DPP10: variants seen among roughly 807,000 people sequenced by gnomAD.
The protein encoded by DPP10 is dipeptidyl peptidase like 10.
In DPP10, 33 loss-of-function variants were observed where a neutral mutation model predicts 120.9. The observed-to-expected ratio is 0.27, with a 90% confidence interval of 0.21 to 0.37. The LOEUF (loss-of-function observed/expected upper bound fraction) is 0.37. Ranked by LOEUF, DPP10 falls within the 10% of genes least tolerant of loss-of-function variation. The probability of loss-of-function intolerance (pLI) is 1.00; values close to 1 mark genes in which losing one functional copy is unlikely to be tolerated. For synonymous variants in DPP10, 337 were observed against 326.1 expected, an observed-to-expected ratio of 1.03 and a Z score of -0.36; for missense variants, 816 against 942.8, an observed-to-expected ratio of 0.87 and a Z score of 1.76.
At chr2:114,514,935 A>G (rs1403286826) in intron 1 of DPP10, among the ~76,000 whole-genome samples, 1 of 152,154 alleles carries the variant, frequency 6.6e-6, no homozygotes, top group Non-Finnish European at 1.5e-5. Context: ...TACTCAGAGC[A>G]TTCACTTGTT....
chr2:115,695,988 A>G (rs1040785174), intron 7 of DPP10, among the ~76,000 whole-genome samples: 2 of 152,300 alleles, frequency 1.3e-5, no homozygotes, highest in Non-Finnish European at 2.9e-5. Context: ...TAGAGAGTCA[A>G]GATATACTTG....
intron 3 of DPP10, among the ~76,000 whole-genome samples, chr2:115,393,737 T>C (rs1980189): frequency 0.47 from 71,189 of 152,004 alleles, 17,602 homozygotes; most frequent in Non-Finnish European, 0.56. Context: ...CAGAACTCAT[T>C]AAAGAGGTAG....
chr2:114,629,664 T>C (rs1694774019), intron 1 of DPP10, among the ~76,000 whole-genome samples: 1 of 152,180 alleles, frequency 6.6e-6, no homozygotes, highest in African/African-American at 2.4e-5. Context: ...GGTTTCTACA[T>C]TGCAGAGGTG....
chr2:115,790,574 T>C (rs1683860204), intron 17 of DPP10, among the ~76,000 whole-genome samples: 1 of 152,200 alleles, frequency 6.6e-6, no homozygotes, highest in Non-Finnish European at 1.5e-5. Context: ...TGCCTAATAT[T>C]TTATTAATAT....
At chr2:114,712,528 T>C (rs1183430143) in intron 1 of DPP10, among the ~76,000 whole-genome samples, 1 of 152,320 alleles carries the variant, frequency 6.6e-6, no homozygotes, top group East Asian at 1.9e-4. Flanking sequence ...TGGTCCTTCC[T>C]CTTTCTTATG....
chr2:115,040,195 CAT>C, intron 1 of DPP10, among the ~76,000 whole-genome samples: 1 of 152,116 alleles, frequency 6.6e-6, no homozygotes, highest in East Asian at 2.0e-4. Flanking sequence ...TACAATTTGA[CAT>C]GAGATTTGGG....
chr2:115,673,232 C>T (rs1458733309), intron 5 of DPP10, among the ~76,000 whole-genome samples: 2 of 152,116 alleles, frequency 1.3e-5, no homozygotes, highest in Non-Finnish European at 1.5e-5. Context: ...ATTTCCAATG[C>T]AGCCAAATGC....
intron 1 of DPP10, among the ~76,000 whole-genome samples, chr2:115,202,468 T>G (rs2055808680): frequency 1.3e-5 from 2 of 152,328 alleles, no homozygotes; most frequent in Admixed American, 1.3e-4. Flanking sequence ...TTGAGAATTT[T>G]CTCTTTTAAT....
chr2:114,801,887 A>G (rs1347978792), intron 1 of DPP10, among the ~76,000 whole-genome samples: 1 of 152,188 alleles, frequency 6.6e-6, no homozygotes, highest in Non-Finnish European at 1.5e-5. Context: ...CAAAGACTGA[A>G]ATATTAATAA....
intron 1 of DPP10, among the ~76,000 whole-genome samples, chr2:114,502,400 T>A (rs1415710099): frequency 6.6e-6 from 1 of 152,216 alleles, no homozygotes; most frequent in East Asian, 1.9e-4. Context: ...ACAAGACTAG[T>A]TCATGAACAT....
chr2:115,342,406 G>T (rs1277147932), intron 2 of DPP10, among the ~76,000 whole-genome samples: 24 of 152,086 alleles, frequency 1.6e-4, no homozygotes, highest in Admixed American at 1.6e-3. Flanking sequence ...TTGACACGGA[G>T]TTTCACCATG....
intron 1 of DPP10, among the ~76,000 whole-genome samples, chr2:115,166,961 A>T (rs906357112): frequency 6.6e-6 from 1 of 152,210 alleles, no homozygotes; most frequent in Non-Finnish European, 1.5e-5. Context: ...GCTGTGACTA[A>T]GATTGTGAGA....
chr2:114,825,298 T>A (rs1260051178), intron 1 of DPP10, among the ~76,000 whole-genome samples: 1 of 152,180 alleles, frequency 6.6e-6, no homozygotes, highest in African/African-American at 2.4e-5. Context: ...GAGGAAAGCA[T>A]TGGAATCTAG....
At chr2:115,578,565 A>G (rs1222428570) in intron 5 of DPP10, among the ~76,000 whole-genome samples, 1 of 152,218 alleles carries the variant, frequency 6.6e-6, no homozygotes, top group East Asian at 1.9e-4. Context: ...GAAGACATGG[A>G]CAGTGAGTAA....
At position 114,779,065 on chromosome 2, in the gene DPP10, A is replaced by G. The variant is rs564818636; in HGVS notation, c.60+336227A>G. Among the ~76,000 whole-genome samples the G allele has an allele frequency of 2.2e-3, 342 of 152,176 alleles. 1 individual carries two copies. The highest frequency in any genetic ancestry group is 8.0e-3 in the African/African-American group (334 of 41,540). ...CATGCCTGGGCTCTATTTTTGGTCC[A>G]GTGGAGTTGGTACCTCTGGGGCCTG... On this transcript the variant is annotated intron_variant, in intron 1 of 25. Coordinates refer to ENST00000410059, the MANE Select transcript of DPP10 (RefSeq NM_020868.6).
At chr2:114,793,344 G>C (rs971351759) in intron 1 of DPP10, among the ~76,000 whole-genome samples, 1 of 151,820 alleles carries the variant, frequency 6.6e-6, no homozygotes, top group African/African-American at 2.4e-5. Context: ...TCCCCTCCCT[G>C]TGTCCATGTG....
At chr2:115,235,638 T>C (rs2057960264) in intron 1 of DPP10, among the ~76,000 whole-genome samples, 2 of 152,118 alleles carry the variant, frequency 1.3e-5, no homozygotes, top group Non-Finnish European at 2.9e-5. Flanking sequence ...CCCAGCTCAC[T>C]GCAACCTCCA....
intron 1 of DPP10, among the ~76,000 whole-genome samples, chr2:115,072,828 G>A (rs1344727595): frequency 6.6e-6 from 1 of 152,008 alleles, no homozygotes; most frequent in African/African-American, 2.4e-5. Context: ...TGTCACCCAG[G>A]CTGGAGTGCA....
At chr2:114,451,106 G>A (rs1222836476) in intron 1 of DPP10, among the ~76,000 whole-genome samples, 1 of 144,676 alleles carries the variant, frequency 6.9e-6, no homozygotes, top group African/African-American at 2.6e-5. Flanking sequence ...TTTTTTTTTT[G>A]ATTCAGTGAA....
Sources: allele counts gnomAD v4.1 joint callset (sites outside exome capture counted in the v4.1 genomes callset), GRCh38; gene constraint gnomAD v4.1.1; transcripts MANE v1.5; gene names NCBI Gene and HGNC (gene_info 2026-07-23, HGNC 2026-07-21).